Variants in PLCL1 observed in about 807,000 individuals in gnomAD.
The protein encoded by PLCL1 is inactive phospholipase C-like protein 1.
In PLCL1, 41 loss-of-function variants were observed where a neutral mutation model predicts 84.4. That is an observed-to-expected ratio of 0.49 (90% CI 0.38 to 0.63). The LOEUF (loss-of-function observed/expected upper bound fraction) is 0.63. Ranked by LOEUF, PLCL1 falls within the 30% of genes least tolerant of loss-of-function variation. The pLI is 0.00. For missense variants in PLCL1, 1,206 were observed against 1,367.8 expected (o/e 0.88, Z 1.87); for synonymous variants, 490 against 488.3 (o/e 1.00, Z -0.05).
chr2:197,982,739 G>A (rs80013750), intron 1 of PLCL1, among the ~76,000 whole-genome samples: 4,591 of 152,242 alleles, frequency 0.03, 244 homozygotes, highest in African/African-American at 0.1. Flanking sequence ...ATCTGCTGAG[G>A]GAGTAGCTGT....
At chr2:198,110,902 G>A (rs1310432798) in intron 5 of PLCL1, among the ~76,000 whole-genome samples, 1 of 151,648 alleles carries the variant, frequency 6.6e-6, no homozygotes, top group Non-Finnish European at 1.5e-5. Flanking sequence ...TTCCTTTTGA[G>A]TATTCAGAAA....
chr2:197,816,545 A>G (rs1432268406), intron 1 of PLCL1, among the ~76,000 whole-genome samples: 1 of 152,142 alleles, frequency 6.6e-6, no homozygotes, highest in Non-Finnish European at 1.5e-5. Flanking sequence ...TATCTTCTTT[A>G]CCATGAAGCA....
chr2:197,947,668 A>C (rs1253761737), intron 1 of PLCL1, among the ~76,000 whole-genome samples: 1 of 152,188 alleles, frequency 6.6e-6, no homozygotes, highest in Non-Finnish European at 1.5e-5. Flanking sequence ...CAGTGGCAGC[A>C]GATAAAAGCA....
chr2:197,901,334 A>G (rs761539736), intron 1 of PLCL1, among the ~76,000 whole-genome samples: 2 of 152,218 alleles, frequency 1.3e-5, no homozygotes, highest in African/African-American at 2.4e-5. Flanking sequence ...AAAATATACA[A>G]TCTTTTTGAT....
At position 197,866,049 on chromosome 2, in the gene PLCL1, ATATACACACACACACACAC is replaced by A. The variant is rs1307365912; in HGVS notation, c.240+60715_240+60733del. Among the ~76,000 whole-genome samples, 20 of 105,574 alleles carry A rather than the reference ATATACACACACACACACAC, an allele frequency of 1.9e-4. 5 individuals carry two copies. The highest frequency in any genetic ancestry group is 2.7e-4 in the Non-Finnish European group (15 of 55,182). 69.3% of individuals were successfully genotyped at this position (105,574 alleles called of 152,430 possible). A position where few individuals can be genotyped will look rare whatever the true frequency, so the allele number is the denominator to read the frequency against. ...AAAAAAAAAAAAAATATATATATAT[ATATACACACACACACACAC>A]TATATATATATATATATATAAACTA... On this transcript the variant is annotated intron_variant, in intron 1 of 5. Transcript: ENST00000428675.
chr2:197,987,129 T>G (rs1690235241), intron 1 of PLCL1, among the ~76,000 whole-genome samples: 1 of 152,216 alleles, frequency 6.6e-6, no homozygotes, highest in African/African-American at 2.4e-5. Context: ...AAAGTAAGCA[T>G]CCAGAGGAGA....
At chr2:198,054,412 G>A (rs1692013868) in intron 1 of PLCL1, among the ~76,000 whole-genome samples, 1 of 152,224 alleles carries the variant, frequency 6.6e-6, no homozygotes, top group Non-Finnish European at 1.5e-5. Flanking sequence ...CTCTAGGATT[G>A]ATCACATCTT....
At chr2:198,066,858 G>T (rs1302298870) in intron 1 of PLCL1, among the ~76,000 whole-genome samples, 3 of 152,030 alleles carry the variant, frequency 2.0e-5, no homozygotes, top group African/African-American at 7.2e-5. Flanking sequence ...CAGGGGATGC[G>T]TAGTACCCCA....
Position 198,084,513 on chromosome 2 carries a change from C to T in PLCL1, c.996C>T (p.Ala332=). ...QISKNKEYLD[A]NDLMLFLEAE... ...CTAAAAACAAAGAATATTTGGATGC[C>T]AATGATCTCATGCTCTTTTTAGAAG... is the stretch of plus-strand genomic sequence containing the variant. The change falls in exon 2 of 6, where the codon GCC becomes GCT. Residue 332 remains alanine (A), a synonymous_variant. Transcript: ENST00000428675. 1.2e-6 allele frequency: 2 copies of T among 1,614,024 alleles called. No individual in the cohort carries two copies. The highest frequency in any genetic ancestry group is 1.1e-5 in the South Asian group (1 of 91,078).
Position 198,085,230 on chromosome 2 carries a change from TTA to T in PLCL1, c.1714_1715del (p.Tyr572GlnfsTer3), listed in dbSNP as rs1251730177. The T allele has an allele frequency of 2.5e-6, 4 of 1,613,952 alleles. No individual in the cohort carries two copies. ...AAATGTCTCGAAGGATGTCGGTAGA[TTA>T]CAATGGTGAGCAGAAGCAAATCCGA... ...AEMSRRMSVDYNGEQKQIRLC... is the reference protein window; with the variant it reads ...AEMSRRMSVDXNGEQKQIRLC... On this transcript the variant is annotated frameshift_variant, in exon 2 of 6. Coordinates refer to ENST00000428675, the MANE Select transcript of PLCL1 (RefSeq NM_006226.4). LOFTEE classifies it high-confidence loss of function. The surrounding 1 kb of genome is among the most constrained non-coding windows in gnomAD (Gnocchi z 5.3).
chr2:198,110,915 A>C (rs1269649995), intron 5 of PLCL1, among the ~76,000 whole-genome samples: 1 of 151,886 alleles, frequency 6.6e-6, no homozygotes, highest in South Asian at 2.1e-4. Flanking sequence ...TTCAGAAAAA[A>C]AAGTATATTT....
chr2:198,137,673 A>T (rs969194953), intron 5 of PLCL1, among the ~76,000 whole-genome samples: 2 of 152,196 alleles, frequency 1.3e-5, no homozygotes, highest in East Asian at 1.9e-4. Flanking sequence ...ATGCCTGCTC[A>T]TCTTGCAAAT....
At chr2:198,013,629 T>C (rs901670904) in intron 1 of PLCL1, among the ~76,000 whole-genome samples, 1 of 152,116 alleles carries the variant, frequency 6.6e-6, no homozygotes, top group Non-Finnish European at 1.5e-5. Context: ...ATAGGTGGTC[T>C]GAATTTAAGG....
At chr2:198,060,499 GAC>G (rs1247201337) in intron 1 of PLCL1, among the ~76,000 whole-genome samples, 1 of 152,306 alleles carries the variant, frequency 6.6e-6, no homozygotes, top group East Asian at 1.9e-4. Context: ...CTGCTGAGCT[GAC>G]ACAGTACCTC....
At chr2:198,057,173 G>A (rs1326801065) in intron 1 of PLCL1, among the ~76,000 whole-genome samples, 1 of 152,058 alleles carries the variant, frequency 6.6e-6, no homozygotes, top group Non-Finnish European at 1.5e-5. Flanking sequence ...ATACTCTGTG[G>A]TTCTAAATTA....
chr2:197,974,768 AC>A (rs1036295759), intron 1 of PLCL1, among the ~76,000 whole-genome samples: 40 of 151,972 alleles, frequency 2.6e-4, no homozygotes, highest in African/African-American at 9.7e-4. Flanking sequence ...GGAAATTCTG[AC>A]CCCTTCTCCC....
chr2:198,042,811 A>C (rs1252923831), intron 1 of PLCL1, among the ~76,000 whole-genome samples: 1 of 152,200 alleles, frequency 6.6e-6, no homozygotes, highest in African/African-American at 2.4e-5. Context: ...AAAAGCAATA[A>C]ATGATGCCAC....
intron 1 of PLCL1, among the ~76,000 whole-genome samples, chr2:197,927,052 T>C (rs373017237): frequency 6.6e-6 from 1 of 152,212 alleles, no homozygotes; most frequent in Non-Finnish European, 1.5e-5. Context: ...CAAGAGTGAG[T>C]GCTCAAAGAA....
chr2:197,840,467 T>A (rs1686973267), intron 1 of PLCL1, among the ~76,000 whole-genome samples: 1 of 152,186 alleles, frequency 6.6e-6, no homozygotes, highest in Non-Finnish European at 1.5e-5. Context: ...TGTAGGCTTG[T>A]TCACTAACTT....
Sources: gnomAD v4.1 joint callset for allele counts (sites outside exome capture counted in the v4.1 genomes callset) on GRCh38, gnomAD v4.1.1 for gene constraint, Gnocchi (gnomAD v3.1) non-coding constraint, MANE v1.5 for transcripts, NCBI Gene and HGNC (gene_info 2026-07-23, HGNC 2026-07-21) for gene names.